The following SMIM9 variants were observed in gnomAD, a reference collection of about 807,000 sequenced individuals.
SMIM9 encodes the protein chromosome X open reading frame 68.
SMIM9 carries 8 observed loss-of-function variants against 7.2 expected under a neutral mutation model. The observed-to-expected ratio is 1.10, with a 90% confidence interval of 0.65 to 1.99. SMIM9 has a LOEUF of 1.99. Among genes scored for constraint, SMIM9 ranks in the 30% most tolerant of loss-of-function variants. The probability of loss-of-function intolerance (pLI) is 0.00; values close to 1 mark genes in which losing one functional copy is unlikely to be tolerated. For synonymous variants in SMIM9, 19 were observed against 26.4 expected, an observed-to-expected ratio of 0.72 and a Z score of 0.86; for missense variants, 76 against 69.3, an observed-to-expected ratio of 1.10 and a Z score of -0.34.
At chrX:154,834,205 C>T (rs1437772008) in intron 1 of SMIM9, among the ~76,000 whole-genome samples, 1 of 112,428 alleles carries the variant, frequency 8.9e-6, no homozygotes, top group Non-Finnish European at 1.9e-5. Flanking sequence ...GAGAAGAGCC[C>T]ATGAAATGGA....
intron 1 of SMIM9, among the ~76,000 whole-genome samples, chrX:154,833,771 C>T (rs782374715): frequency 1.8e-5 from 2 of 110,628 alleles, no homozygotes; most frequent in Non-Finnish European, 1.9e-5. Flanking sequence ...GATACTGTCT[C>T]TACAAAAAAT....
intron 2 of SMIM9, 49 bp from the exon 3 acceptor site, chrX:154,831,004 C>T: frequency 3.2e-6 from 2 of 627,119 alleles, no homozygotes; most frequent in Non-Finnish European, 4.7e-6. Flanking sequence ...AAAATCTTCT[C>T]ACCATCACGA....
chrX:154,826,824 A>C (rs782790358), intron 4 of SMIM9, among the ~76,000 whole-genome samples: 1 of 112,614 alleles, frequency 8.9e-6, no homozygotes, highest in Non-Finnish European at 1.9e-5. Context: ...AATTCTCTTC[A>C]TGATGCTGAG....
chrX:154,823,633 G>A lies in SMIM9; in HGVS notation c.*122C>T. The A allele has an allele frequency of 1.6e-6, 1 of 619,089 alleles. No individual in the cohort carries two copies. The highest frequency in any genetic ancestry group is 3.4e-4 in the Middle Eastern group (1 of 2,964). 51.0% of individuals were successfully genotyped at this position (619,089 alleles called of 1,213,427 possible). A position where few individuals can be genotyped will look rare whatever the true frequency, so the allele number is the denominator to read the frequency against. Reference sequence around the variant, plus strand: ...AAAATGAAGGCAAAGGATGATTCAAGTTGGAAGACGATTTAATTTCAACTG... The same window carrying A: ...AAAATGAAGGCAAAGGATGATTCAAATTGGAAGACGATTTAATTTCAACTG... On this transcript the variant is annotated 3_prime_UTR_variant, in exon 5 of 5. Transcript: ENST00000369529.
intron 4 of SMIM9, among the ~76,000 whole-genome samples, chrX:154,824,519 G>T (rs1368997325): frequency 9.0e-6 from 1 of 111,248 alleles, no homozygotes; most frequent in Non-Finnish European, 1.9e-5. Context: ...GTTCTTAGAG[G>T]CTTTCCCCCT....
chrX:154,825,934 G>C (rs782178969), intron 4 of SMIM9, among the ~76,000 whole-genome samples: 8 of 90,651 alleles, frequency 8.8e-5, no homozygotes, highest in Middle Eastern at 5.7e-3. Context: ...GTGGAGGGAG[G>C]GGGGAGGGAT....
At chrX:154,825,171 C>T (rs1048837390) in intron 4 of SMIM9, among the ~76,000 whole-genome samples, 1 of 111,192 alleles carries the variant, frequency 9.0e-6, no homozygotes, top group Non-Finnish European at 1.9e-5. Context: ...GGGTGGATCA[C>T]GAGATCAGGA....
At chrX:154,829,716 G>T (rs782272298) in intron 3 of SMIM9, 52 bp from the exon 4 acceptor site, 4 of 1,127,989 alleles carry the variant, frequency 3.5e-6, no homozygotes, top group Non-Finnish European at 3.6e-6. Flanking sequence ...AAATGATAGG[G>T]CTGGCGTTTG....
chrX:154,824,217 C>G (rs962183115), intron 4 of SMIM9, among the ~76,000 whole-genome samples: 1 of 108,879 alleles, frequency 9.2e-6, no homozygotes, highest in African/African-American at 3.3e-5. Context: ...ATTAGCCTGG[C>G]GTGGTGGCGG....
At chrX:154,827,566 T>C (rs1006131262) in intron 4 of SMIM9, 3 of 112,582 alleles carry the variant, frequency 2.7e-5, no homozygotes, top group African/African-American at 9.7e-5. Flanking sequence ...GGAAATGTCA[T>C]ACATTCCTTT....
chrX:154,831,012 C>G (rs2072443467), intron 2 of SMIM9, 57 bp from the exon 3 acceptor site: 1 of 581,664 alleles, frequency 1.7e-6, no homozygotes. Context: ...CTCACCATCA[C>G]GAACATAAGG....
chrX:154,828,939 T>C (rs1276997609), intron 4 of SMIM9, among the ~76,000 whole-genome samples: 1 of 111,968 alleles, frequency 8.9e-6, no homozygotes, highest in Non-Finnish European at 1.9e-5. Flanking sequence ...ACACCTTTGT[T>C]GATCACTTTC....
At chrX:154,830,683 G>A (rs1557270492) in intron 3 of SMIM9, 32 bp downstream of exon 3, 1 of 1,157,053 alleles carries the variant, frequency 8.6e-7, no homozygotes, top group African/African-American at 1.8e-5. Context: ...GTCCTATGAA[G>A]AAAGAAACAT....
chrX:154,830,610 A>G, intron 3 of SMIM9, 105 bp downstream of exon 3: 2 of 1,027,571 alleles, frequency 1.9e-6, no homozygotes, highest in Non-Finnish European at 2.6e-6. Context: ...TTGCTTTCCT[A>G]TGAACATTCT....
intron 1 of SMIM9, among the ~76,000 whole-genome samples, chrX:154,833,539 G>A (rs1445788097): frequency 9.0e-6 from 1 of 111,530 alleles, no homozygotes; most frequent in African/African-American, 3.3e-5. Context: ...GCAGTAGCCT[G>A]GCTTGAGCCT....
intron 2 of SMIM9, among the ~76,000 whole-genome samples, chrX:154,831,324 T>G (rs1316723770): frequency 8.9e-6 from 1 of 112,107 alleles, no homozygotes; most frequent in African/African-American, 3.2e-5. Context: ...TTTGACTACT[T>G]TAGATACCAA....
intron 4 of SMIM9, among the ~76,000 whole-genome samples, chrX:154,824,271 G>A (rs1226605449): frequency 9.4e-6 from 1 of 106,446 alleles, no homozygotes; most frequent in Non-Finnish European, 1.9e-5. Context: ...GCAGGAGAAT[G>A]GCGTGAACCC....
Position 154,830,783 on chromosome X carries a change from G to A in SMIM9, c.74C>T (p.Ala25Val), listed in dbSNP as rs2072442278. Residue 25 changes from alanine to valine, a missense_variant, in exon 3 of 5, where the codon GCT becomes GTT. Coordinates refer to ENST00000369529, the MANE Select transcript of SMIM9 (RefSeq NM_001162936.4). ...GGCAGACAAAGGCAAAGGAGAGGAA[G>A]CTACTGTCTCCAACAAGAGGCAAGT... Reference protein sequence around the residue: ...SLTCLLLETVASSPLPLSALG... With the variant: ...SLTCLLLETVVSSPLPLSALG... 8 of 1,167,682 alleles carry A rather than the reference G, an allele frequency of 6.9e-6. No individual in the cohort carries two copies. Among genetic ancestry groups the A allele is most frequent in the Non-Finnish European group, 9.2e-6 (8 of 872,799 alleles).
intron 4 of SMIM9, chrX:154,827,510 G>C (rs2072426329): frequency 8.9e-6 from 1 of 112,709 alleles, no homozygotes; most frequent in Non-Finnish European, 1.9e-5. Context: ...ATGTGAAAGA[G>C]AGAGGCAGCA....
Sources: allele counts gnomAD v4.1 joint callset (sites outside exome capture counted in the v4.1 genomes callset), GRCh38; gene constraint gnomAD v4.1.1; transcripts MANE v1.5; gene names NCBI Gene and HGNC (gene_info 2026-07-23, HGNC 2026-07-21).